PCDHGA5: variants seen among roughly 807,000 people sequenced by gnomAD.
PCDHGA5 encodes the protein protocadherin gamma-A5.
Under a neutral mutation model 56.7 loss-of-function variants are expected in PCDHGA5, and 36 were observed. That is an observed-to-expected ratio of 0.64 (90% confidence interval 0.49 to 0.84). The LOEUF (loss-of-function observed/expected upper bound fraction) is 0.84, where lower values mean the gene tolerates loss of function less well. Ranked by LOEUF, PCDHGA5 falls within the 40% of genes least tolerant of loss-of-function variation. PCDHGA5 has a pLI of 0.00. For missense variants in PCDHGA5, 1,305 were observed against 1,201.5 expected, an observed-to-expected ratio of 1.09 and a Z score of -1.27; for synonymous variants, 563 against 520.2, an observed-to-expected ratio of 1.08 and a Z score of -1.12.
chr5:141,433,921 T>G (rs1203867326), intron 1 of PCDHGA5, among the ~76,000 whole-genome samples: 2 of 152,012 alleles, frequency 1.3e-5, no homozygotes, highest in African/African-American at 4.8e-5. Flanking sequence ...CACCTCCAAA[T>G]GAAGATTTTA....
At chr5:141,393,971 A>G (rs769025757) in intron 1 of PCDHGA5, 3 of 1,613,904 alleles carry the variant, frequency 1.9e-6, no homozygotes, top group Non-Finnish European at 2.5e-6. Flanking sequence ...TCTGTTACAC[A>G]CGTGATAATT....
intron 1 of PCDHGA5, among the ~76,000 whole-genome samples, chr5:141,368,453 G>A (rs775342461): frequency 2.2e-4 from 33 of 151,956 alleles, no homozygotes; most frequent in Non-Finnish European, 4.1e-4. Flanking sequence ...CAAACTCACC[G>A]AATAGTGAAT....
intron 1 of PCDHGA5, among the ~76,000 whole-genome samples, chr5:141,400,862 A>C (rs1239905125): frequency 6.6e-6 from 1 of 152,224 alleles, no homozygotes; most frequent in African/African-American, 2.4e-5. Context: ...TTGTATGTAG[A>C]TAAACCATTA....
At chr5:141,478,862 C>T (rs1057119202) in intron 1 of PCDHGA5, 23 of 1,325,916 alleles carry the variant, frequency 1.7e-5, no homozygotes, top group Non-Finnish European at 2.2e-5. Flanking sequence ...AAGATCTCAG[C>T]GATCAGAGTT....
At chr5:141,380,965 A>G (rs575114972) in intron 1 of PCDHGA5, among the ~76,000 whole-genome samples, 2 of 152,370 alleles carry the variant, frequency 1.3e-5, no homozygotes, top group Admixed American at 1.3e-4. Context: ...CAAAAGTACT[A>G]TTAAACAAAT....
chr5:141,391,206 C>G (rs1004320707), intron 1 of PCDHGA5: 14 of 152,076 alleles, frequency 9.2e-5, no homozygotes, highest in African/African-American at 3.4e-4. Flanking sequence ...TACAAAATAC[C>G]AAGGAACATT....
At chr5:141,382,989 T>C (rs1377336206) in intron 1 of PCDHGA5, 5 of 1,613,356 alleles carry the variant, frequency 3.1e-6, no homozygotes, top group East Asian at 2.2e-5. Context: ...GGGCAGGACG[T>C]ATTCTCTACT....
rs777314784 is a variant in PCDHGA5, at chr5:141,432,669, C to A, written c.2422-62138C>A. On this transcript the variant is annotated intron_variant, in intron 1 of 3. Transcript: ENST00000518069. The surrounding 1 kb of genome is among the most constrained non-coding windows in gnomAD (Gnocchi z 6.0). ...GCGCGAGCCCTGCTGGACAGAGACG[C>A]GCTCAAGCAGAGCCTCGTAGTGGCC... 1 of 1,613,894 alleles carries A rather than the reference C, an allele frequency of 6.2e-7. No homozygotes were observed. Among genetic ancestry groups the A allele is most frequent in the Non-Finnish European group, 8.5e-7 (1 of 1,179,950 alleles).
rs1424221139 is a variant in PCDHGA5, at chr5:141,491,867, T to G, written c.2422-2940T>G. On this transcript the variant is annotated intron_variant, in intron 1 of 3. Coordinates refer to ENST00000518069, the MANE Select transcript of PCDHGA5 (RefSeq NM_018918.3). The surrounding 1 kb of genome is among the most constrained non-coding windows in gnomAD (Gnocchi z 6.9). ...TTGGACCGTTTGCGCGAAACCAGAG[T>G]GGCCGATTAAGGGATGGGGCTCCGA... 2 of 1,452,218 alleles carry G rather than the reference T, an allele frequency of 1.4e-6. No homozygotes were observed. The highest frequency in any genetic ancestry group is 1.8e-6 in the Non-Finnish European group (2 of 1,099,056). 90.0% of individuals were successfully genotyped at this position (1,452,218 alleles called of 1,614,324 possible).
chr5:141,491,316 T>C lies in PCDHGA5; in HGVS notation c.2422-3491T>C. The C allele has an allele frequency of 3.1e-6, 5 of 1,614,176 alleles. No homozygotes were observed. The highest frequency in any genetic ancestry group is 3.4e-6 in the Non-Finnish European group (4 of 1,180,004). ...CTCCTGAGCGTTCAGACCTTACCCT[T>C]TACCTCATTGTGGCTCTAGCGACCG... is the stretch of plus-strand genomic sequence containing the variant. On this transcript the variant is annotated intron_variant, in intron 1 of 3. Coordinates refer to ENST00000518069, the MANE Select transcript of PCDHGA5 (RefSeq NM_018918.3). The surrounding 1 kb of genome is among the most constrained non-coding windows in gnomAD (Gnocchi z 6.9).
At chr5:141,389,778 G>A (rs886099464) in intron 1 of PCDHGA5, 3 of 1,613,134 alleles carry the variant, frequency 1.9e-6, no homozygotes, top group Non-Finnish European at 2.5e-6. Flanking sequence ...TGCCTTAGGC[G>A]ACAGGGACGC....
chr5:141,418,277 T>G, intron 1 of PCDHGA5: 2 of 1,614,026 alleles, frequency 1.2e-6, no homozygotes, highest in Non-Finnish European at 1.7e-6. Flanking sequence ...TGAAATAAAC[T>G]TAGAAATCAG....
At chr5:141,495,104 G>C (rs552664771) in intron 2 of PCDHGA5, among the ~76,000 whole-genome samples, 16 of 152,194 alleles carry the variant, frequency 1.1e-4, no homozygotes, top group Admixed American at 8.5e-4. Flanking sequence ...CGCCACGACC[G>C]GCACCTTTTC....
In PCDHGA5 at chr5:141,489,652, C is replaced by A. The variant is rs767143028; in HGVS notation, c.2422-5155C>A. On this transcript the variant is annotated intron_variant, in intron 1 of 3. Transcript: ENST00000518069. The surrounding 1 kb of genome is among the most constrained non-coding windows in gnomAD (Gnocchi z 4.5). ...CTCTCCTAGCTTTGCCACCCCTGAG[C>A]GAGAGATGCGCATCTCAGAATCAGC... 34 of 1,614,024 alleles carry A rather than the reference C, an allele frequency of 2.1e-5. No homozygotes were observed. The Middle Eastern group carries it at 6.6e-4, about 31-fold the overall frequency.
At chr5:141,494,569 T>G (rs1341706026) in intron 1 of PCDHGA5, among the ~76,000 whole-genome samples, 2 of 152,190 alleles carry the variant, frequency 1.3e-5, no homozygotes, top group Non-Finnish European at 2.9e-5. Flanking sequence ...GAAAGGAGTC[T>G]CAGCTTGCTC....
At chr5:141,422,865 C>A in intron 1 of PCDHGA5, 6 of 1,614,244 alleles carry the variant, frequency 3.7e-6, no homozygotes, top group Non-Finnish European at 5.1e-6. Flanking sequence ...TCAGCAGCAA[C>A]GTGTCGCTGA....
In PCDHGA5 at chr5:141,364,194, C is replaced by T. The variant is rs189249749; in HGVS notation, c.-137C>T. The T allele has an allele frequency of 6.4e-5, 68 of 1,068,708 alleles. No homozygotes were observed. The Admixed American group carries it at 2.2e-3, about 35-fold the overall frequency. The allele number at this position is 1,068,708 out of a possible 1,614,324, so 66.2% of individuals were successfully genotyped here. A position where few individuals can be genotyped will look rare whatever the true frequency, so the allele number is the denominator to read the frequency against. On this transcript the variant is annotated 5_prime_UTR_variant, in exon 1 of 4. Transcript: ENST00000518069. ...CTCTGCTCCCTCCATACTAAACACA[C>T]AGACCAGACAAGCTCCTACGAAAAG...
chr5:141,385,962 A>G (rs997092778), intron 1 of PCDHGA5: 1 of 152,264 alleles, frequency 6.6e-6, no homozygotes, highest in Admixed American at 6.5e-5. Context: ...ACTAAAGGCC[A>G]TCGGACAAAA....
chr5:141,484,716 G>C (rs1375103858), intron 1 of PCDHGA5, among the ~76,000 whole-genome samples: 1 of 152,030 alleles, frequency 6.6e-6, no homozygotes, highest in African/African-American at 2.4e-5. Context: ...CGCCGAAAAG[G>C]GGCGGGGTCA....
Sources: gnomAD v4.1 joint callset for allele counts (sites outside exome capture counted in the v4.1 genomes callset) on GRCh38, gnomAD v4.1.1 for gene constraint, Gnocchi (gnomAD v3.1) non-coding constraint, MANE v1.5 for transcripts, NCBI Gene and HGNC (gene_info 2026-07-23, HGNC 2026-07-21) for gene names.